PRMT1: variants seen among roughly 807,000 people sequenced by gnomAD.
The protein encoded by PRMT1 is protein arginine methyltransferase 1, also known as protein arginine N-methyltransferase 1.
In PRMT1, 5 loss-of-function variants were observed where a neutral mutation model predicts 47.4. The observed-to-expected ratio is 0.11, with a 90% CI of 0.06 to 0.22. The LOEUF (loss-of-function observed/expected upper bound fraction) is 0.22. Ranked by LOEUF, PRMT1 falls within the 10% of genes least tolerant of loss-of-function variation. The pLI is 1.00. For synonymous variants in PRMT1, 227 were observed against 204.6 expected, an observed-to-expected ratio of 1.11 and a Z score of -0.94; for missense variants, 249 against 518.4, an observed-to-expected ratio of 0.48 and a Z score of 5.05.
Position 49,688,317 on chromosome 19 carries a change from T to G in PRMT1, c.*72T>G. 1 of 1,432,120 alleles carries G rather than the reference T, an allele frequency of 7.0e-7. No individual in the cohort carries two copies. The highest frequency in any genetic ancestry group is 9.8e-7 in the Non-Finnish European group (1 of 1,021,150). The allele number at this position is 1,432,120 out of a possible 1,614,324, so 88.7% of individuals were successfully genotyped here. The stretch of plus-strand genomic sequence containing the variant: ...AGGCGGTTTCGGGGCTCCCCCTTCC[T>G]CTCCCTCCCTCCCGCAGAAGGGGGT... On this transcript the variant is annotated 3_prime_UTR_variant, in exon 11 of 11. Transcript: ENST00000454376. The surrounding 1 kb of genome is among the most constrained non-coding windows in gnomAD (Gnocchi z 5.3).
chr19:49,684,112 T>TC lies in PRMT1; in HGVS notation c.555+45dup. 16 of 1,608,848 alleles carry TC rather than the reference T, an allele frequency of 9.9e-6. No individual in the cohort carries two copies. The highest frequency in any genetic ancestry group is 1.4e-5 in the Non-Finnish European group (16 of 1,176,704). On this transcript the variant is annotated intron_variant, in intron 6 of 10. Transcript: ENST00000454376. The surrounding 1 kb of genome is among the most constrained non-coding windows in gnomAD (Gnocchi z 6.2). ...CGGGTGCAGCTCGCGTGGGCTGGGG[T>TC]CCAGGTAGAAGACGAAAACCACGCT...
Position 49,681,822 on chromosome 19 carries a change from C to T in PRMT1, c.193-88C>T. The T allele has an allele frequency of 7.3e-7, 1 of 1,376,628 alleles. No individual in the cohort carries two copies. The highest frequency in any genetic ancestry group is 9.8e-7 in the Non-Finnish European group (1 of 1,015,426). The allele number at this position is 1,376,628 out of a possible 1,614,324, so 85.3% of individuals were successfully genotyped here. A position where few individuals can be genotyped will look rare whatever the true frequency, so the allele number is the denominator to read the frequency against. On this transcript the variant is annotated intron_variant, in intron 3 of 10. Transcript: ENST00000454376. This position sits in a 1 kb window ranked among gnomAD's most constrained non-coding sequence, Gnocchi z 4.4. ...CATGGAAGAAAGCGAGAGGGCCGAG[C>T]TCTGGCCCTCCGAGCTCTCAGGACA...
chr19:49,683,882 G>T, intron 5 of PRMT1, 45 bp from the exon 6 acceptor site: 1 of 1,584,210 alleles, frequency 6.3e-7, no homozygotes, highest in Non-Finnish European at 8.6e-7. Flanking sequence ...GAGGTGAGGG[G>T]CAGGCCTCCC....
intron 9 of PRMT1, 50 bp downstream of exon 9, chr19:49,686,293 G>T: frequency 6.5e-7 from 1 of 1,537,820 alleles, no homozygotes. Flanking sequence ...CAGGGCGGAG[G>T]CGCACCCACG....
intron 1 of PRMT1, chr19:49,677,533 C>A (rs1342211887): frequency 2.5e-6 from 1 of 405,952 alleles, no homozygotes; most frequent in Non-Finnish European, 4.3e-6. Flanking sequence ...AGGGTCTTAT[C>A]CCCCCTCCCA....
At chr19:49,679,720 C>T (rs2082087297) in intron 1 of PRMT1, 152 bp from the exon 2 acceptor site, 3 of 678,058 alleles carry the variant, frequency 4.4e-6, no homozygotes, top group Non-Finnish European at 5.4e-6. Flanking sequence ...CTTAAACACC[C>T]CACCTCATTA....
rs376391371 is a variant in PRMT1, at chr19:49,688,105, G to C, written c.1033-57G>C. ...ATCGTCGCATAGCCTGCCTGCACCC[G>C]CCCCCCGCCACCACCTCCTGGTGGG... On this transcript the variant is annotated intron_variant, in intron 10 of 10. Coordinates refer to ENST00000454376, the MANE Select transcript of PRMT1 (RefSeq NM_001536.6). The surrounding 1 kb of genome is among the most constrained non-coding windows in gnomAD (Gnocchi z 5.3). The C allele has an allele frequency of 9.2e-4, 1,356 of 1,467,630 alleles. 13 individuals carry two copies. The African/African-American group carries it at 0.016, about 17-fold the overall frequency. The allele number at this position is 1,467,630 out of a possible 1,614,324, so 90.9% of individuals were successfully genotyped here.
rs960935022 is a variant in PRMT1 at position 49,681,523 on chromosome 19, A to T, written c.193-387A>T. 2.6e-5 allele frequency among the ~76,000 whole-genome samples: 4 copies of T among 152,102 alleles called. No individual in the cohort carries two copies. The highest frequency in any genetic ancestry group is 5.9e-5 in the Non-Finnish European group (4 of 68,016). ...GGGGCTGAGGTGGGTGGATCACCTG[A>T]GGTCAGGAGTTGAAGACCAACCTGG... On this transcript the variant is annotated intron_variant, in intron 3 of 10. Coordinates refer to ENST00000454376, the MANE Select transcript of PRMT1 (RefSeq NM_001536.6). The surrounding 1 kb of genome is among the most constrained non-coding windows in gnomAD (Gnocchi z 4.4).
chr19:49,677,415 T>C (rs1052076345), intron 1 of PRMT1, 99 bp downstream of exon 1: 2 of 1,087,312 alleles, frequency 1.8e-6, no homozygotes, highest in Non-Finnish European at 1.2e-6. Context: ...GATATGGGGT[T>C]GGAGGTCCCC....
intron 1 of PRMT1, 179 bp downstream of exon 1, chr19:49,677,495 C>T (rs2082053442): frequency 2.2e-6 from 1 of 461,950 alleles, no homozygotes; most frequent in African/African-American, 2.0e-5. Context: ...CCCTAGCTTC[C>T]AAGGGCCTTC....
chr19:49,683,618 G>C (rs1390857208), intron 5 of PRMT1: 1 of 236,534 alleles, frequency 4.2e-6, no homozygotes, highest in East Asian at 1.1e-4. Context: ...AACCCGGGAG[G>C]CGGAGGTTGC....
At chr19:49,679,983 C>T (rs957716399) in intron 2 of PRMT1, 58 bp downstream of exon 2, 3 of 1,505,016 alleles carry the variant, frequency 2.0e-6, no homozygotes, top group Non-Finnish European at 1.8e-6. Flanking sequence ...ATATATCTTG[C>T]CACACATCTG....
rs1198378599 is a variant in PRMT1, at chr19:49,685,567, G to A, written c.760-526G>A. The stretch of plus-strand genomic sequence containing the variant: ...GTTTAAAAAAAAAAAATACGGCGAT[G>A]AGTATTTGTTGAGCTGGGATGTGTG... On this transcript the variant is annotated intron_variant, in intron 8 of 10. Coordinates refer to ENST00000454376, the MANE Select transcript of PRMT1 (RefSeq NM_001536.6). The surrounding 1 kb of genome is among the most constrained non-coding windows in gnomAD (Gnocchi z 4.7). 6 of 1,023,960 alleles carry A rather than the reference G, an allele frequency of 5.9e-6. No homozygotes were observed. Among genetic ancestry groups the A allele is most frequent in the Admixed American group, 5.3e-5 (1 of 18,794 alleles). The allele number at this position is 1,023,960 out of a possible 1,614,324, so 63.4% of individuals were successfully genotyped here. A position where few individuals can be genotyped will look rare whatever the true frequency, so the allele number is the denominator to read the frequency against.
At position 49,683,963 on chromosome 19, in the gene PRMT1, A is replaced by C; in HGVS notation, c.449A>C (p.Glu150Ala). The C allele has an allele frequency of 1.2e-6, 2 of 1,613,774 alleles. No homozygotes were observed. The highest frequency in any genetic ancestry group is 1.7e-6 in the Non-Finnish European group (2 of 1,179,956). ...TIIKGKVEEV[E>A]LPVEKVDIII... The stretch of plus-strand genomic sequence containing the variant: ...ATCAAGGGGAAGGTGGAGGAGGTGG[A>C]GCTCCCAGTGGAGAAGGTGGACATC... The change falls in exon 6 of 11, where the codon GAG becomes GCG. Residue 150 changes from glutamate to alanine, a missense_variant. By Grantham distance (107) the Glu-to-Ala change is moderately radical. Around this residue, in one of 2 missense-constraint regions of PRMT1, gnomAD observed 190 missense variants for 456.7 expected, o/e 0.42. Transcript: ENST00000454376.
chr19:49,685,775 G>A lies in PRMT1; in HGVS notation c.760-318G>A. ...TGCCGTTTGAAGCCATCATGTTGTT[G>A]GACTTGTCAAGGGGTTGGGGAGACA... On this transcript the variant is annotated intron_variant, in intron 8 of 10. Transcript: ENST00000454376. This position sits in a 1 kb window ranked among gnomAD's most constrained non-coding sequence, Gnocchi z 4.7. The A allele has an allele frequency of 8.7e-7, 1 of 1,154,306 alleles. No individual in the cohort carries two copies. The highest frequency in any genetic ancestry group is 1.1e-6 in the Non-Finnish European group (1 of 933,960). 71.5% of individuals were successfully genotyped at this position (1,154,306 alleles called of 1,614,324 possible).
intron 10 of PRMT1, among the ~76,000 whole-genome samples, chr19:49,687,539 G>C (rs1230957456): frequency 7.5e-6 from 1 of 133,840 alleles, no homozygotes; most frequent in Non-Finnish European, 1.6e-5. Flanking sequence ...GTTTGCCACC[G>C]TCTGTGGAAA....
At position 49,684,855 on chromosome 19, in the gene PRMT1, G is replaced by C. The variant is rs150352878; in HGVS notation, c.643+14G>C. On this transcript the variant is annotated intron_variant, in intron 7 of 10. Transcript: ENST00000454376. This position sits in a 1 kb window ranked among gnomAD's most constrained non-coding sequence, Gnocchi z 6.2. ...ACAAGATCCACTGTGAGCGCGGCCC[G>C]GGAGCTGGCGGGCGGGGCCTCGGGT... 1.2e-5 allele frequency: 19 copies of C among 1,611,762 alleles called. No homozygotes were observed. The highest frequency in any genetic ancestry group is 1.3e-5 in the Non-Finnish European group (15 of 1,178,578).
chr19:49,677,396 T>C, intron 1 of PRMT1, 80 bp downstream of exon 1: 1 of 1,264,710 alleles, frequency 7.9e-7, no homozygotes, highest in Middle Eastern at 2.0e-4. Flanking sequence ...GAAAGGGCTC[T>C]AAGTTGGCGA....
In PRMT1 at chr19:49,685,175, T is replaced by C. The variant is rs756181354; in HGVS notation, c.759+138T>C. The C allele has an allele frequency of 6.5e-7, 1 of 1,549,100 alleles. No homozygotes were observed. The highest frequency in any genetic ancestry group is 1.2e-5 in the South Asian group (1 of 84,280). ...CTGATCTGCCAGCCAGAGGTGGTGC[T>C]AGAGGCCCAGGAAAGACACTTCGTC... On this transcript the variant is annotated intron_variant, in intron 8 of 10. Transcript: ENST00000454376. This position sits in a 1 kb window ranked among gnomAD's most constrained non-coding sequence, Gnocchi z 4.7.
Sources: gnomAD v4.1 joint callset for allele counts (sites outside exome capture counted in the v4.1 genomes callset) on GRCh38, gnomAD v4.1.1 for gene constraint, gnomAD v4.1.1 regional missense constraint, Gnocchi (gnomAD v3.1) non-coding constraint, MANE v1.5 for transcripts, NCBI Gene and HGNC (gene_info 2026-07-23, HGNC 2026-07-21) for gene names.